Variants in UVRAG observed in about 807,000 individuals in gnomAD.
UVRAG encodes the protein UV radiation resistance associated.
Under a neutral mutation model 78.0 loss-of-function variants are expected in UVRAG, and 19 were observed. The observed-to-expected ratio is 0.24, with a 90% CI of 0.17 to 0.36. UVRAG has a LOEUF of 0.36. UVRAG is among the 10% of genes least tolerant of loss of function. The probability of loss-of-function intolerance (pLI) is 1.00; values close to 1 mark genes in which losing one functional copy is unlikely to be tolerated. For synonymous variants in UVRAG, 323 were observed against 324.6 expected, an observed-to-expected ratio of 1.00 and a Z score of 0.05; for missense variants, 740 against 853.8, an observed-to-expected ratio of 0.87 and a Z score of 1.66.
intron 8 of UVRAG, 55 bp downstream of exon 8, chr11:75,983,568 T>C: frequency 5.4e-6 from 8 of 1,489,958 alleles, no homozygotes; most frequent in Non-Finnish European, 7.2e-6. Context: ...AGTTCTCCTT[T>C]CTTCTTCTTC....
chr11:75,845,974 AT>A (rs926824614), intron 1 of UVRAG, among the ~76,000 whole-genome samples: 1 of 152,148 alleles, frequency 6.6e-6, no homozygotes, highest in East Asian at 1.9e-4. Flanking sequence ...GTAAATTTTA[AT>A]TTTTTTGTGT....
At chr11:75,949,738 C>T (rs1021077228) in intron 6 of UVRAG, among the ~76,000 whole-genome samples, 4 of 148,396 alleles carry the variant, frequency 2.7e-5, no homozygotes, top group African/African-American at 9.9e-5. Context: ...CACATATACA[C>T]ATATATATAT....
intron 13 of UVRAG, among the ~76,000 whole-genome samples, chr11:76,090,943 C>G (rs766887912): frequency 6.6e-6 from 1 of 152,124 alleles, no homozygotes; most frequent in Non-Finnish European, 1.5e-5. Context: ...CATAATTTCT[C>G]TTATGTTGAA....
At chr11:76,094,680 A>G (rs113523945) in intron 13 of UVRAG, among the ~76,000 whole-genome samples, 21,053 of 151,996 alleles carry the variant, frequency 0.14, 3,758 homozygotes, top group African/African-American at 0.42. Context: ...ATGGTAGTTT[A>G]TATCTCTGTG....
intron 7 of UVRAG, among the ~76,000 whole-genome samples, chr11:75,977,351 T>G (rs542139608): frequency 3.3e-5 from 5 of 152,324 alleles, no homozygotes; most frequent in Admixed American, 2.0e-4. Context: ...TTCTGTTGAT[T>G]TGGGGTGGAG....
Position 76,096,292 on chromosome 11 carries a change from G to C in UVRAG, c.1306-19632G>C, listed in dbSNP as rs114537074. On this transcript the variant is annotated intron_variant, in intron 13 of 14. Transcript: ENST00000356136. ...GATAGAGAATAAAATTGTAACAGAAGTTATTGATAAGCCTGAAAAAATGTA... is the reference window on the plus strand; with the variant it reads ...GATAGAGAATAAAATTGTAACAGAACTTATTGATAAGCCTGAAAAAATGTA... Among the ~76,000 whole-genome samples, 768 of 152,216 alleles carry C rather than the reference G, an allele frequency of 5.0e-3. 7 individuals carry two copies. Among genetic ancestry groups the C allele is most frequent in the African/African-American group, 0.017 (726 of 41,532 alleles).
intron 12 of UVRAG, among the ~76,000 whole-genome samples, chr11:76,022,152 A>G (rs1028960003): frequency 2.0e-5 from 3 of 152,184 alleles, no homozygotes; most frequent in African/African-American, 7.2e-5. Flanking sequence ...AGAGAAGCAG[A>G]GATGATAGTT....
intron 9 of UVRAG, 79 bp from the exon 10 acceptor site, chr11:76,007,455 A>G: frequency 8.8e-7 from 1 of 1,132,956 alleles, no homozygotes; most frequent in Non-Finnish European, 1.3e-6. Context: ...CTTTCTTTGG[A>G]TTAATTGTGT....
intron 6 of UVRAG, among the ~76,000 whole-genome samples, chr11:75,912,788 G>T (rs984358464): frequency 2.6e-5 from 4 of 152,212 alleles, no homozygotes; most frequent in African/African-American, 9.7e-5. Context: ...ACTTGAGGAA[G>T]AATCCAGAAG....
chr11:75,974,539 TGTATTTTTA>T lies in UVRAG; in HGVS notation c.700-8844_700-8836del, dbSNP rs1243152153. ...CCGCCACCGCGCCCGGCTAATTTTT[TGTATTTTTA>T]GTAGAGATGGGGTTTCACCTTGTTA... On this transcript the variant is annotated intron_variant, in intron 7 of 14. Coordinates refer to ENST00000356136, the MANE Select transcript of UVRAG (RefSeq NM_003369.4). Among the ~76,000 whole-genome samples, 7 of 151,444 alleles carry T rather than the reference TGTATTTTTA, an allele frequency of 4.6e-5. No individual in the cohort carries two copies. In the South Asian group the frequency reaches 8.4e-4, roughly 18 times the overall value.
intron 4 of UVRAG, among the ~76,000 whole-genome samples, chr11:75,880,284 A>G (rs1248966621): frequency 2.0e-5 from 3 of 152,188 alleles, no homozygotes; most frequent in African/African-American, 7.2e-5. Context: ...GAAATTTATG[A>G]AGATGGATTT....
intron 6 of UVRAG, among the ~76,000 whole-genome samples, chr11:75,924,379 T>G (rs952042944): frequency 6.0e-5 from 9 of 150,536 alleles, no homozygotes; most frequent in Non-Finnish European, 8.9e-5. Flanking sequence ...AAGCATTGTG[T>G]TTTTTTTTGT....
At chr11:76,125,638 C>G (rs1952373283) in intron 14 of UVRAG, among the ~76,000 whole-genome samples, 1 of 152,206 alleles carries the variant, frequency 6.6e-6, no homozygotes, top group African/African-American at 2.4e-5. Flanking sequence ...CCGCCTCTCC[C>G]CTACTCCAGC....
At chr11:75,932,890 G>T (rs1017121137) in intron 6 of UVRAG, among the ~76,000 whole-genome samples, 1 of 152,138 alleles carries the variant, frequency 6.6e-6, no homozygotes, top group Non-Finnish European at 1.5e-5. Context: ...CATGTTCATA[G>T]ATTTAGAAGA....
At chr11:75,965,595 ATGAGCCAC>A (rs1235946620) in intron 7 of UVRAG, among the ~76,000 whole-genome samples, 2 of 152,188 alleles carry the variant, frequency 1.3e-5, no homozygotes, top group Non-Finnish European at 2.9e-5. Flanking sequence ...GATTACAGGC[ATGAGCCAC>A]CGCGCCCGGC....
At chr11:75,871,117 G>C (rs1055887593) in intron 3 of UVRAG, among the ~76,000 whole-genome samples, 2 of 151,934 alleles carry the variant, frequency 1.3e-5, no homozygotes, top group African/African-American at 4.8e-5. Flanking sequence ...CAGGTGATTC[G>C]CCCACCTCGG....
chr11:75,867,141 T>C (rs148532000), intron 3 of UVRAG, among the ~76,000 whole-genome samples: 16 of 152,370 alleles, frequency 1.1e-4, no homozygotes, highest in African/African-American at 3.6e-4. Flanking sequence ...TTTCTGTGCT[T>C]TCTGCCTACA....
At chr11:75,996,454 C>T (rs560182392) in intron 8 of UVRAG, among the ~76,000 whole-genome samples, 16 of 152,052 alleles carry the variant, frequency 1.1e-4, no homozygotes, top group African/African-American at 2.9e-4. Context: ...AATATGTAAC[C>T]GAAGTATATA....
In UVRAG at chr11:76,141,379, G is replaced by A. The variant is rs755963990; in HGVS notation, c.2066G>A (p.Ser689Asn). 35 of 1,613,712 alleles carry A rather than the reference G, an allele frequency of 2.2e-5. No homozygotes were observed. The East Asian group carries it at 7.6e-4, about 35-fold the overall frequency. Residue 689 changes from serine to asparagine, a missense_variant, in exon 15 of 15, where the codon AGC (serine) becomes AAC (asparagine). By Grantham distance (46) the Ser-to-Asn change is conservative (BLOSUM62 1). Transcript: ENST00000356136. The part of the protein sequence containing the change: ...RIYALNENVS[S>N]FRRPRRSSDK ...TATGCACTGAATGAAAACGTATCCA[G>A]CTTCCGCCGGCCGCGCAGGAGTTCC...
Sources: gnomAD v4.1 joint callset for allele counts (sites outside exome capture counted in the v4.1 genomes callset) on GRCh38, gnomAD v4.1.1 for gene constraint, MANE v1.5 for transcripts, NCBI Gene and HGNC (gene_info 2026-07-23, HGNC 2026-07-21) for gene names.